ENOX1: variants seen among roughly 807,000 people sequenced by gnomAD.
The protein encoded by ENOX1 is ecto-NOX disulfide-thiol exchanger 1, also known as candidate growth-related and time keeping constitutive hydroquinone (NADH) oxidase.
Under a neutral mutation model 82.5 loss-of-function variants are expected in ENOX1, and 42 were observed. The observed-to-expected ratio is 0.51, with a 90% CI of 0.40 to 0.66. The LOEUF (loss-of-function observed/expected upper bound fraction) is 0.66, where lower values mean the gene tolerates loss of function less well. Ranked by LOEUF, ENOX1 falls within the 30% of genes least tolerant of loss-of-function variation. The pLI is 0.00. For synonymous variants in ENOX1, 271 were observed against 282.2 expected, an observed-to-expected ratio of 0.96 and a Z score of 0.40; for missense variants, 608 against 811.6, an observed-to-expected ratio of 0.75 and a Z score of 3.05.
At chr13:43,584,298 C>T (rs114438764) in intron 2 of ENOX1, among the ~76,000 whole-genome samples, 1,893 of 152,284 alleles carry the variant, frequency 0.012, 33 homozygotes, top group African/African-American at 0.043. Flanking sequence ...CACCCATCCC[C>T]CCACTATACA....
chr13:43,691,656 G>A (rs915862127), intron 1 of ENOX1, among the ~76,000 whole-genome samples: 6 of 145,640 alleles, frequency 4.1e-5, no homozygotes, highest in African/African-American at 1.5e-4. Context: ...CCTACTATAT[G>A]TTTAATGTTC....
chr13:43,616,158 A>ATC (rs2082436359), intron 2 of ENOX1, among the ~76,000 whole-genome samples: 2 of 6,646 alleles, frequency 3.0e-4, no homozygotes, highest in African/African-American at 6.0e-4. Flanking sequence ...ATATAGATAG[A>ATC]TATCTATCTA....
chr13:43,687,866 A>ATTGTC (rs2086157138), intron 1 of ENOX1, among the ~76,000 whole-genome samples: 1 of 152,170 alleles, frequency 6.6e-6, no homozygotes, highest in Non-Finnish European at 1.5e-5. Context: ...GGAGATCAGG[A>ATTGTC]AGAGCCTCTA....
chr13:43,616,039 T>A (rs1432833564), intron 2 of ENOX1, among the ~76,000 whole-genome samples: 1 of 145,126 alleles, frequency 6.9e-6, no homozygotes, highest in Non-Finnish European at 1.5e-5. Flanking sequence ...TTGTGAACAG[T>A]GCTGCAATAA....
chr13:43,574,038 C>T (rs895518429), intron 2 of ENOX1, among the ~76,000 whole-genome samples: 1 of 152,080 alleles, frequency 6.6e-6, no homozygotes, highest in African/African-American at 2.4e-5. Context: ...CCTTTAAGCC[C>T]TTGACCTAAT....
At chr13:43,558,426 C>A (rs950639994) in intron 2 of ENOX1, among the ~76,000 whole-genome samples, 4 of 152,182 alleles carry the variant, frequency 2.6e-5, no homozygotes, top group Non-Finnish European at 1.5e-5. Flanking sequence ...TAAGGCAAAG[C>A]AATACTGGAT....
At position 43,257,459 on chromosome 13, in the gene ENOX1, A is replaced by G. The variant is rs992088133; in HGVS notation, c.1611+7939T>C. Among the ~76,000 whole-genome samples the G allele has an allele frequency of 2.6e-5, 4 of 152,206 alleles. No individual in the cohort carries two copies. The East Asian group carries it at 7.7e-4, about 29-fold the overall frequency. ...ACATTTTAAAAACCTATTTAATAAC[A>G]TGGGCAAATGCTCATTATTGATAAA... On this transcript the variant is annotated intron_variant, in intron 14 of 16. Coordinates refer to ENST00000690772, the MANE Select transcript of ENOX1 (RefSeq NM_001347969.2).
chr13:43,214,718 C>T (rs1016479081), intron 16 of ENOX1, among the ~76,000 whole-genome samples: 10 of 152,036 alleles, frequency 6.6e-5, no homozygotes, highest in Non-Finnish European at 1.5e-4. Flanking sequence ...TTTTTCTTCT[C>T]CATATTTTTA....
chr13:43,284,813 TAA>T (rs1471213824), intron 12 of ENOX1, among the ~76,000 whole-genome samples: 3 of 106,902 alleles, frequency 2.8e-5, no homozygotes, highest in Non-Finnish European at 6.3e-5. Context: ...TGTGTGTGTG[TAA>T]GAGAGAGAGG....
At chr13:43,487,941 T>A (rs12876180) in intron 2 of ENOX1, among the ~76,000 whole-genome samples, 12,568 of 152,226 alleles carry the variant, frequency 0.083, 619 homozygotes, top group East Asian at 0.16. Flanking sequence ...GGACTTTAAT[T>A]CAAAAAAAGC....
intron 7 of ENOX1, among the ~76,000 whole-genome samples, chr13:43,357,670 T>C (rs2050238788): frequency 6.6e-6 from 1 of 152,122 alleles, no homozygotes; most frequent in Non-Finnish European, 1.5e-5. Flanking sequence ...CCCCTGCTCA[T>C]GTCCAGAGAA....
intron 2 of ENOX1, among the ~76,000 whole-genome samples, chr13:43,592,013 C>T (rs1474051489): frequency 6.6e-6 from 1 of 151,780 alleles, no homozygotes; most frequent in Non-Finnish European, 1.5e-5. Flanking sequence ...AGCCTGTGGA[C>T]CACTTACAAG....
chr13:43,463,244 T>C (rs2057570480), intron 3 of ENOX1, among the ~76,000 whole-genome samples: 1 of 152,196 alleles, frequency 6.6e-6, no homozygotes, highest in African/African-American at 2.4e-5. Context: ...ATCTGATTCT[T>C]TGTTAATGAA....
chr13:43,638,229 C>T (rs779370356), intron 2 of ENOX1, among the ~76,000 whole-genome samples: 1 of 152,142 alleles, frequency 6.6e-6, no homozygotes, highest in Non-Finnish European at 1.5e-5. Context: ...TCAAATCTAT[C>T]ACATAGTATC....
At chr13:43,738,820 A>G (rs974370167) in intron 1 of ENOX1, among the ~76,000 whole-genome samples, 3 of 152,178 alleles carry the variant, frequency 2.0e-5, no homozygotes, top group African/African-American at 7.2e-5. Flanking sequence ...ATCCCAATTA[A>G]AACTGCAAAG....
rs139885436 is a variant in ENOX1, at chr13:43,397,066, G to A, written c.208+14850C>T. Among the ~76,000 whole-genome samples the A allele has an allele frequency of 1.2e-3, 190 of 152,308 alleles. 1 individual carries two copies. The highest frequency in any genetic ancestry group is 4.1e-3 in the African/African-American group (171 of 41,570). The stretch of plus-strand genomic sequence containing the variant: ...CCCTTCCCAGTCTTCTCCGGTGGGT[G>A]AGGCCTGCGGCACACTGGGCTCTTC... On this transcript the variant is annotated intron_variant, in intron 5 of 16. Coordinates refer to ENST00000690772, the MANE Select transcript of ENOX1 (RefSeq NM_001347969.2).
chr13:43,545,439 T>A (rs575761690), intron 2 of ENOX1: 1 of 152,334 alleles, frequency 6.6e-6, no homozygotes, highest in African/African-American at 2.4e-5. Flanking sequence ...TCCTCTCTCA[T>A]ACATGCATAA....
chr13:43,299,801 C>G (rs1003375198), intron 11 of ENOX1, among the ~76,000 whole-genome samples: 2 of 152,092 alleles, frequency 1.3e-5, no homozygotes, highest in Non-Finnish European at 2.9e-5. Flanking sequence ...ATGTAACTTC[C>G]AGTAGATAAG....
chr13:43,546,725 CA>C (rs2078989334), intron 2 of ENOX1: 1 of 152,094 alleles, frequency 6.6e-6, no homozygotes, highest in African/African-American at 2.4e-5. Context: ...ATAAATAAAC[CA>C]ATCATTAAAA....
Sources: allele counts gnomAD v4.1 joint callset (sites outside exome capture counted in the v4.1 genomes callset), GRCh38; gene constraint gnomAD v4.1.1; transcripts MANE v1.5; gene names NCBI Gene and HGNC (gene_info 2026-07-23, HGNC 2026-07-21).